The following DKK3 variants were observed in gnomAD, a reference collection of about 807,000 sequenced individuals.
DKK3 encodes dickkopf-related protein 3.
Under a neutral mutation model 33.2 loss-of-function variants are expected in DKK3, and 22 were observed. The ratio of observed to expected loss-of-function variants is 0.66; its 90% CI spans 0.47 to 0.95. The LOEUF (loss-of-function observed/expected upper bound fraction) is 0.95. Ranked by LOEUF, DKK3 falls within the 40% of genes least tolerant of loss-of-function variation. The pLI is 0.00. For synonymous variants in DKK3, 194 were observed against 188.8 expected, an observed-to-expected ratio of 1.03 and a Z score of -0.23; for missense variants, 398 against 458.4, an observed-to-expected ratio of 0.87 and a Z score of 1.20.
rs748990145 is a variant in DKK3 at position 12,008,515 on chromosome 11, G to A, written c.68C>T (p.Pro23Leu). The A allele has an allele frequency of 6.3e-7, 1 of 1,581,440 alleles. No individual in the cohort carries two copies. The highest frequency in any genetic ancestry group is 1.1e-5 in the South Asian group (1 of 88,678). ...TGGAGCCGAGGTCGCCGTCGGAGCG[G>A]GCGCGGGGGCCGTGGGGACCGCCGC... ...LAAAVPTAPA[P>L]APTATSAPVK... is the part of the protein sequence containing the mutation. The change falls in exon 1 of 7, where the codon CCC (proline) becomes CTC (leucine). Residue 23 changes from proline (P) to leucine (L), a missense_variant. Coordinates refer to ENST00000683431, the MANE Select transcript of DKK3 (RefSeq NM_001018057.2). This position sits in a 1 kb window ranked among gnomAD's most constrained non-coding sequence, Gnocchi z 4.6.
At chr11:12,008,664 G>GCCGCC, upstream of DKK3, 2 of 1,100,872 alleles carry the variant, frequency 1.8e-6, no homozygotes, top group South Asian at 3.6e-5. This position sits in a 1 kb window ranked among gnomAD's most constrained non-coding sequence, Gnocchi z 4.6. Context: ...CGCTGGGCCC[G>GCCGCC]CCGCCCCGCC....
In DKK3 at chr11:11,967,049, C is replaced by T. The variant is rs775760814; in HGVS notation, c.578G>A (p.Gly193Asp). Reference protein sequence around the residue: ...ECCGDQLCVWGHCTKMATRGS... With the variant: ...ECCGDQLCVWDHCTKMATRGS... ...CCTGGTGGCCATTTTGGTGCAGTGA[C>T]CCCAGACACACAGCTGGTCTCCACA... The change falls in exon 5 of 7, where the codon GGT (glycine) becomes GAT (aspartate). Residue 193 changes from glycine (G) to aspartate (D), a missense_variant. Physicochemically the swap from Gly to Asp is moderately conservative, Grantham distance 94. Coordinates refer to ENST00000683431, the MANE Select transcript of DKK3 (RefSeq NM_001018057.2). The T allele has an allele frequency of 3.1e-6, 5 of 1,613,962 alleles. No individual in the cohort carries two copies. The highest frequency in any genetic ancestry group is 2.2e-5 in the South Asian group (2 of 91,064).
At position 12,002,531 on chromosome 11, in the gene DKK3, A is replaced by C. The variant is rs1310654009; in HGVS notation, c.214-94T>G. On this transcript the variant is annotated intron_variant, in intron 1 of 6. Coordinates refer to ENST00000683431, the MANE Select transcript of DKK3 (RefSeq NM_001018057.2). ...AAAAAATCTCTTTTCCTCTTCTGCA[A>C]TTACAAAGAATGATGATGATGATAG... is the stretch of plus-strand genomic sequence containing the variant. The C allele has an allele frequency of 5.2e-6, 7 of 1,338,322 alleles. No individual in the cohort carries two copies. In the Admixed American group the frequency reaches 1.4e-4, roughly 27 times the overall value. 82.9% of individuals were successfully genotyped at this position (1,338,322 alleles called of 1,614,324 possible).
intron 4 of DKK3, 116 bp from the exon 5 acceptor site, chr11:11,967,214 G>A (rs1847619304): frequency 6.3e-6 from 8 of 1,274,140 alleles, no homozygotes; most frequent in Non-Finnish European, 8.6e-6. Flanking sequence ...TGTAGAGACA[G>A]GCAGACCAGG....
In DKK3 at chr11:11,989,622, G is replaced by A. The variant is rs143051553; in HGVS notation, c.435+9074C>T. Among the ~76,000 whole-genome samples the A allele has an allele frequency of 6.8e-3, 1,030 of 152,302 alleles. 4 individuals are homozygous for A. Among genetic ancestry groups the A allele is most frequent in the South Asian group, 0.013 (65 of 4,824 alleles). On this transcript the variant is annotated intron_variant, in intron 3 of 6. Transcript: ENST00000683431. ...ATTGTTTAATGGGTATAGCATCTCT[G>A]ATTTGCAAGATGAGAAGAATTCTGG...
intron 3 of DKK3, among the ~76,000 whole-genome samples, chr11:11,996,981 C>G (rs1848308786): frequency 6.6e-6 from 1 of 152,248 alleles, no homozygotes; most frequent in South Asian, 2.1e-4. Context: ...AGTTTCTGCC[C>G]AAGCATGCCG....
chr11:11,990,575 G>A (rs1848166419), intron 3 of DKK3, among the ~76,000 whole-genome samples: 1 of 152,188 alleles, frequency 6.6e-6, no homozygotes, highest in Non-Finnish European at 1.5e-5. Flanking sequence ...ACATGGTAAA[G>A]CACTGCAGAT....
chr11:11,987,121 A>G (rs1848087201), intron 3 of DKK3, among the ~76,000 whole-genome samples: 1 of 152,208 alleles, frequency 6.6e-6, no homozygotes, highest in South Asian at 2.1e-4. Context: ...GAGGTGGCAC[A>G]CAACAGGTGA....
intron 3 of DKK3, among the ~76,000 whole-genome samples, chr11:11,984,575 G>A (rs145484339): frequency 1.1e-4 from 17 of 150,446 alleles, no homozygotes; most frequent in African/African-American, 3.4e-4. Context: ...GTATGCCCAA[G>A]CTGAACAACC....
intron 3 of DKK3, among the ~76,000 whole-genome samples, chr11:11,982,694 C>A (rs2135043953): frequency 6.6e-6 from 1 of 152,290 alleles, no homozygotes; most frequent in East Asian, 1.9e-4. Flanking sequence ...GAGAGCACAG[C>A]CAGTCCTCGG....
chr11:12,000,988 T>C (rs1848414594), intron 2 of DKK3, among the ~76,000 whole-genome samples: 1 of 152,220 alleles, frequency 6.6e-6, no homozygotes, highest in South Asian at 2.1e-4. Context: ...TACTGTAATG[T>C]AGATGTTGAT....
Position 11,964,872 on chromosome 11 carries a change from T to G in DKK3, c.831-186A>C, listed in dbSNP as rs907058829. ...AAAATGATGGCTGAGGGAGGCTCAC[T>G]TTGGGAGAATGTGCTGGTGGGGGGC... On this transcript the variant is annotated intron_variant, in intron 6 of 6. Coordinates refer to ENST00000683431, the MANE Select transcript of DKK3 (RefSeq NM_001018057.2). 19 of 1,315,908 alleles carry G rather than the reference T, an allele frequency of 1.4e-5. 1 individual carries two copies. The highest frequency in any genetic ancestry group is 1.3e-5 in the Non-Finnish European group (13 of 985,326). 81.5% of individuals were successfully genotyped at this position (1,315,908 alleles called of 1,614,324 possible). A position where few individuals can be genotyped will look rare whatever the true frequency, so the allele number is the denominator to read the frequency against.
chr11:11,993,789 C>T (rs1488228175), intron 3 of DKK3, among the ~76,000 whole-genome samples: 1 of 152,190 alleles, frequency 6.6e-6, no homozygotes, highest in African/African-American at 2.4e-5. Flanking sequence ...ACTGAACATT[C>T]ACACAAGCCT....
intron 3 of DKK3, among the ~76,000 whole-genome samples, chr11:11,993,333 A>G (rs1029279389): frequency 2.0e-5 from 3 of 152,060 alleles, no homozygotes; most frequent in Non-Finnish European, 4.4e-5. Flanking sequence ...TATACCATAT[A>G]TGTATATTTT....
intron 3 of DKK3, among the ~76,000 whole-genome samples, chr11:11,982,429 C>T (rs1847975442): frequency 6.6e-6 from 1 of 152,210 alleles, no homozygotes; most frequent in Non-Finnish European, 1.5e-5. Flanking sequence ...TCTCCAGACA[C>T]TCAGCTACCT....
chr11:11,987,317 C>T (rs529936986), intron 3 of DKK3, among the ~76,000 whole-genome samples: 11 of 152,276 alleles, frequency 7.2e-5, no homozygotes, highest in African/African-American at 2.6e-4. Context: ...ACCCTGCTTC[C>T]TGAAAAAGGA....
At chr11:11,970,924 A>G (rs902391551) in intron 3 of DKK3, among the ~76,000 whole-genome samples, 4 of 152,224 alleles carry the variant, frequency 2.6e-5, no homozygotes. Flanking sequence ...AATCCAGTAA[A>G]TGTGTGGTAA....
At chr11:12,002,018 T>G in intron 2 of DKK3, 1 of 273,410 alleles carries the variant, frequency 3.7e-6, no homozygotes, top group Non-Finnish European at 6.9e-6. Context: ...TTTGCTTTCT[T>G]TTTTTCAAAT....
At chr11:11,995,452 T>C (rs887924694) in intron 3 of DKK3, among the ~76,000 whole-genome samples, 3 of 152,106 alleles carry the variant, frequency 2.0e-5, no homozygotes, top group Non-Finnish European at 2.9e-5. Flanking sequence ...TCAAACTAGG[T>C]GTGTTCACCT....
Sources: gnomAD v4.1 joint callset for allele counts (sites outside exome capture counted in the v4.1 genomes callset) on GRCh38, gnomAD v4.1.1 for gene constraint, Gnocchi (gnomAD v3.1) non-coding constraint, MANE v1.5 for transcripts, NCBI Gene and HGNC (gene_info 2026-07-23, HGNC 2026-07-21) for gene names.